The following CRLF1 variants were observed in gnomAD, a reference collection of about 807,000 sequenced individuals.
The protein encoded by CRLF1 is cytokine receptor like factor 1, also known as cytokine receptor-like factor 1.
A neutral mutation model predicts 48.9 loss-of-function variants in CRLF1; 36 were observed. The observed-to-expected ratio is 0.74, with a 90% CI of 0.56 to 0.97. The LOEUF is 0.97. CRLF1 is among the 50% of genes least tolerant of loss of function. The pLI is 0.00. For synonymous variants in CRLF1, 256 were observed against 253.4 expected (o/e 1.01, Z -0.10); for missense variants, 534 against 575.1 (o/e 0.93, Z 0.73).
At chr19:18,596,278 C>A (rs546539914) in intron 6 of CRLF1, among the ~76,000 whole-genome samples, 1 of 152,146 alleles carries the variant, frequency 6.6e-6, no homozygotes, top group Admixed American at 6.5e-5. Context: ...GTGTCTCACA[C>A]CTGTAATCCC....
At position 18,606,229 on chromosome 19, in the gene CRLF1, G is replaced by A. The variant is rs927184867; in HGVS notation, c.115+313C>T. On this transcript the variant is annotated intron_variant, in intron 1 of 8. Coordinates refer to ENST00000392386, the MANE Select transcript of CRLF1 (RefSeq NM_004750.5). This position sits in a 1 kb window ranked among gnomAD's most constrained non-coding sequence, Gnocchi z 4.8. ...GCCCAGAGTCCACCGAAGCAGACGC[G>A]TGCGCCCGCCACGTCCTGGCATGCA... Among the ~76,000 whole-genome samples the A allele has an allele frequency of 1.2e-4, 18 of 151,790 alleles. No individual in the cohort carries two copies. Among genetic ancestry groups the A allele is most frequent in the Admixed American group, 6.6e-4 (10 of 15,256 alleles).
Position 18,594,633 on chromosome 19 carries a change from G to C in CRLF1, c.1025-199C>G, listed in dbSNP as rs571649555. 2.2e-3 allele frequency among the ~76,000 whole-genome samples: 339 copies of C among 151,780 alleles called. 2 individuals are homozygous for C. Among genetic ancestry groups the C allele is most frequent in the Non-Finnish European group, 4.3e-3 (290 of 67,802 alleles). On this transcript the variant is annotated intron_variant, in intron 6 of 8. Transcript: ENST00000392386. ...GGCCCGGCTGCGCCCCTGGGGAGGT[G>C]GGGGGGAGGGGGAAGGAAGGGGCTC... is the stretch of plus-strand genomic sequence containing the variant.
chr19:18,595,454 G>A (rs964994634), intron 6 of CRLF1, among the ~76,000 whole-genome samples: 8 of 152,204 alleles, frequency 5.3e-5, no homozygotes, highest in African/African-American at 7.2e-5. Flanking sequence ...ATCATCTCAC[G>A]AGCCAGAGTG....
At chr19:18,603,985 G>A (rs1201892919) in intron 1 of CRLF1, among the ~76,000 whole-genome samples, 1 of 152,196 alleles carries the variant, frequency 6.6e-6, no homozygotes, top group Non-Finnish European at 1.5e-5. Flanking sequence ...GAACTCGGGT[G>A]TGCCAGCGTC....
chr19:18,594,448 G>C lies in CRLF1; in HGVS notation c.1025-14C>G. Reference sequence around the variant, plus strand: ...GGCCCGGGCGCTCTGGTGGTGGGCGGAGCGGCAGTGTCAGAGCGCGCCCGG... The same window carrying C: ...GGCCCGGGCGCTCTGGTGGTGGGCGCAGCGGCAGTGTCAGAGCGCGCCCGG... On this transcript the variant is annotated splice_polypyrimidine_tract_variant and intron_variant, in intron 6 of 8. Transcript: ENST00000392386. 2 of 1,389,880 alleles carry C rather than the reference G, an allele frequency of 1.4e-6. No individual in the cohort carries two copies. The highest frequency in any genetic ancestry group is 3.3e-5 in the South Asian group (2 of 59,776). 86.1% of individuals were successfully genotyped at this position (1,389,880 alleles called of 1,614,324 possible).
At chr19:18,599,443 A>G in intron 2 of CRLF1, 122 bp downstream of exon 2, 1 of 1,398,830 alleles carries the variant, frequency 7.1e-7, no homozygotes, top group Non-Finnish European at 1.0e-6. Flanking sequence ...AAAGACCTGC[A>G]TAGCCATGCC....
chr19:18,596,506 C>T (rs1600650643), intron 6 of CRLF1, 116 bp downstream of exon 6: 13 of 1,278,178 alleles, frequency 1.0e-5, no homozygotes, highest in African/African-American at 4.5e-5. Flanking sequence ...CACCACTATG[C>T]GACAGAATGA....
At chr19:18,597,157 C>T (rs981347676) in intron 4 of CRLF1, 108 bp from the exon 5 acceptor site, 143 of 1,217,066 alleles carry the variant, frequency 1.2e-4, no homozygotes, top group Non-Finnish European at 1.4e-4. Flanking sequence ...CTCTGTTTTC[C>T]TCCTCTTCCC....
In CRLF1 at chr19:18,606,101, C is replaced by T. The variant is rs974167397; in HGVS notation, c.115+441G>A. Among the ~76,000 whole-genome samples, 8 of 151,536 alleles carry T rather than the reference C, an allele frequency of 5.3e-5. No homozygotes were observed. The highest frequency in any genetic ancestry group is 1.7e-4 in the African/African-American group (7 of 41,300). On this transcript the variant is annotated intron_variant, in intron 1 of 8. Transcript: ENST00000392386. This position sits in a 1 kb window ranked among gnomAD's most constrained non-coding sequence, Gnocchi z 4.8. The stretch of plus-strand genomic sequence containing the variant: ...GGCCCCCCTGCAGCCCCGCCCTCCC[C>T]GTGGGGCTCATCCCTCCGCCTGGGG...
At chr19:18,601,895 C>T (rs922120644) in intron 1 of CRLF1, among the ~76,000 whole-genome samples, 1 of 152,206 alleles carries the variant, frequency 6.6e-6, no homozygotes, top group Non-Finnish European at 1.5e-5. Flanking sequence ...AGTTCTGTTC[C>T]ACACTGCCTA....
rs1297826617 is a variant in CRLF1 at position 18,593,435 on chromosome 19, G to A, written c.*131C>T. ...AGTCAGAGCTGTTATGGCCGTTGGAGCTCAGGGGCCACCCCAGCTCCTGCT... is the reference window on the plus strand; with the variant it reads ...AGTCAGAGCTGTTATGGCCGTTGGAACTCAGGGGCCACCCCAGCTCCTGCT... On this transcript the variant is annotated 3_prime_UTR_variant, in exon 9 of 9. Coordinates refer to ENST00000392386, the MANE Select transcript of CRLF1 (RefSeq NM_004750.5). 6 of 1,337,448 alleles carry A rather than the reference G, an allele frequency of 4.5e-6. No homozygotes were observed. The African/African-American group carries it at 8.8e-5, about 20-fold the overall frequency. The allele number at this position is 1,337,448 out of a possible 1,614,324, so 82.8% of individuals were successfully genotyped here. A position where few individuals can be genotyped will look rare whatever the true frequency, so the allele number is the denominator to read the frequency against.
chr19:18,600,140 T>C (rs998189705), intron 1 of CRLF1, among the ~76,000 whole-genome samples: 3 of 152,136 alleles, frequency 2.0e-5, no homozygotes, highest in African/African-American at 7.2e-5. Context: ...AACTCGGGCA[T>C]AGAGGCTCAT....
rs545339760 is a variant in CRLF1, at chr19:18,599,263, G to A, written c.397+302C>T. On this transcript the variant is annotated intron_variant, in intron 2 of 8. Coordinates refer to ENST00000392386, the MANE Select transcript of CRLF1 (RefSeq NM_004750.5). ...TGGGATTACAGGTGCCTGTCAGCAC[G>A]CCTGGCTAAGTATTGTATTTTTAGT... The A allele has an allele frequency of 3.7e-4, 127 of 341,808 alleles. 6 individuals are homozygous for A. The highest frequency in any genetic ancestry group is 9.5e-5 in the Non-Finnish European group (23 of 241,810). 21.2% of individuals were successfully genotyped at this position (341,808 alleles called of 1,614,324 possible).
chr19:18,601,994 A>C (rs1976227357), intron 1 of CRLF1, among the ~76,000 whole-genome samples: 2 of 152,170 alleles, frequency 1.3e-5, no homozygotes, highest in Non-Finnish European at 2.9e-5. Flanking sequence ...CCCTCCACTC[A>C]GTTTTCCTCA....
At chr19:18,602,451 T>C (rs866589474) in intron 1 of CRLF1, among the ~76,000 whole-genome samples, 5 of 151,326 alleles carry the variant, frequency 3.3e-5, no homozygotes, top group African/African-American at 9.7e-5. Flanking sequence ...CTACCAAAAA[T>C]ACAAAAATTA....
chr19:18,605,217 C>T (rs893846315), intron 1 of CRLF1, among the ~76,000 whole-genome samples: 2 of 152,144 alleles, frequency 1.3e-5, no homozygotes, highest in Non-Finnish European at 2.9e-5. Context: ...GTGGCACTCA[C>T]AGGCGCTGCC....
chr19:18,594,542 T>C, intron 6 of CRLF1, 108 bp from the exon 7 acceptor site: 1 of 819,530 alleles, frequency 1.2e-6, no homozygotes, highest in Non-Finnish European at 1.6e-6. Flanking sequence ...TCGGGGAACC[T>C]CCCTCCCCGT....
At chr19:18,596,473 G>C (rs956569578) in intron 6 of CRLF1, 149 bp downstream of exon 6, 1 of 990,644 alleles carries the variant, frequency 1.0e-6, no homozygotes, top group Non-Finnish European at 1.4e-6. Context: ...CCGGGAGGCA[G>C]AGGTTGCAGT....
At chr19:18,601,590 G>A (rs1266831810) in intron 1 of CRLF1, among the ~76,000 whole-genome samples, 2 of 152,038 alleles carry the variant, frequency 1.3e-5, no homozygotes, top group African/African-American at 4.8e-5. Context: ...TTTTAGTAGA[G>A]TCCAAGAATC....
Sources: allele counts gnomAD v4.1 joint callset (sites outside exome capture counted in the v4.1 genomes callset), GRCh38; gene constraint gnomAD v4.1.1; non-coding constraint Gnocchi (gnomAD v3.1); transcripts MANE v1.5; gene names NCBI Gene and HGNC (gene_info 2026-07-23, HGNC 2026-07-21).